The following SEM1 variants were observed in gnomAD, a reference collection of about 807,000 sequenced individuals.
SEM1 encodes the protein 26S proteasome complex subunit SEM1.
Under a neutral mutation model 12.7 loss-of-function variants are expected in SEM1, and 3 were observed. The observed-to-expected ratio is 0.24, with a 90% confidence interval of 0.11 to 0.61. The LOEUF is 0.61. SEM1 is among the 20% of genes least tolerant of loss of function. SEM1 has a pLI of 0.88. For synonymous variants in SEM1, 30 were observed against 27.8 expected (o/e 1.08, Z -0.25); for missense variants, 59 against 81.3 (o/e 0.73, Z 1.06).
chr7:96,507,365 T>C (rs1367397302), intron 2 of SEM1, among the ~76,000 whole-genome samples: 1 of 152,132 alleles, frequency 6.6e-6, no homozygotes, highest in Non-Finnish European at 1.5e-5. Flanking sequence ...AATTACTAAA[T>C]GCTAACTCTA....
rs190634108 is a variant in SEM1 at position 96,605,021 on chromosome 7, C to T, written c.170+89777G>A. Among the ~76,000 whole-genome samples, 839 of 152,264 alleles carry T rather than the reference C, an allele frequency of 5.5e-3. 6 individuals are homozygous for T. The highest frequency in any genetic ancestry group is 0.018 in the African/African-American group (768 of 41,542). ...GCCATGGTGAGGCTTAAGCAATTTA[C>T]TCAACCTCCCCATGTGAAATGGGGA... On this transcript the variant is annotated intron_variant and NMD_transcript_variant, in intron 2 of 3. Transcript: ENST00000466986.
intron 2 of SEM1, among the ~76,000 whole-genome samples, chr7:96,580,134 A>C (rs1483403966): frequency 9.5e-6 from 1 of 105,112 alleles, no homozygotes; most frequent in Non-Finnish European, 1.9e-5. Flanking sequence ...CCCACCCCAC[A>C]ACAGTCCCCA....
intron 2 of SEM1, among the ~76,000 whole-genome samples, chr7:96,530,920 T>G (rs912641809): frequency 3.3e-5 from 5 of 152,010 alleles, no homozygotes; most frequent in African/African-American, 9.7e-5. Context: ...TTAAAGAACA[T>G]GATCATCATG....
intron 2 of SEM1, among the ~76,000 whole-genome samples, chr7:96,568,054 A>C (rs1805904554): frequency 6.6e-6 from 1 of 151,654 alleles, no homozygotes; most frequent in Non-Finnish European, 1.5e-5. Flanking sequence ...TGCTAGAATC[A>C]TTTCAATAGC....
At chr7:96,509,743 C>T (rs1803877047) in intron 2 of SEM1, among the ~76,000 whole-genome samples, 1 of 152,074 alleles carries the variant, frequency 6.6e-6, no homozygotes, top group South Asian at 2.1e-4. Flanking sequence ...GGGCATGCTA[C>T]AACATGGATG....
intron 2 of SEM1, among the ~76,000 whole-genome samples, chr7:96,691,498 C>T (rs973623695): frequency 4.6e-5 from 7 of 152,138 alleles, no homozygotes; most frequent in Non-Finnish European, 1.0e-4. Context: ...GGTTGGAACC[C>T]CAGCAATCTG....
intron 2 of SEM1, among the ~76,000 whole-genome samples, chr7:96,514,465 A>G (rs75208953): frequency 0.03 from 4,581 of 152,250 alleles, 99 homozygotes; most frequent in Middle Eastern, 0.088. Flanking sequence ...ATGGGAAAGA[A>G]GAAATAAAAC....
At chr7:96,687,292 A>G (rs1378157848), downstream of SEM1, among the ~76,000 whole-genome samples, 2 of 152,190 alleles carry the variant, frequency 1.3e-5, no homozygotes, top group African/African-American at 2.4e-5. Context: ...CTGGGTATAG[A>G]CCCAAAGGAC....
rs115829610 is a variant in SEM1, at chr7:96,488,980, T to C, written c.13-2563A>G. ...CTGCCTGCTGGGATGTGCGTACAGATACAATCTTAATGTAGAGTCTGGGTG... is the reference window on the plus strand; with the variant it reads ...CTGCCTGCTGGGATGTGCGTACAGACACAATCTTAATGTAGAGTCTGGGTG... On this transcript the variant is annotated intron_variant, in intron 1 of 3. Transcript: ENST00000356686. 6.3e-3 allele frequency among the ~76,000 whole-genome samples: 959 copies of C among 152,222 alleles called. 11 individuals are homozygous for C. The highest frequency in any genetic ancestry group is 0.022 in the African/African-American group (917 of 41,550).
At chr7:96,631,535 T>A (rs1808262184) in intron 2 of SEM1, among the ~76,000 whole-genome samples, 1 of 152,138 alleles carries the variant, frequency 6.6e-6, no homozygotes, top group Admixed American at 6.5e-5. Flanking sequence ...TTTTACCACC[T>A]CTTCAGTGCC....
chr7:96,563,730 A>C (rs1032593408), intron 2 of SEM1, among the ~76,000 whole-genome samples: 3 of 152,116 alleles, frequency 2.0e-5, no homozygotes, highest in Non-Finnish European at 4.4e-5. Context: ...AAATGAATAG[A>C]TATAGAATGT....
intron 2 of SEM1, among the ~76,000 whole-genome samples, chr7:96,584,285 G>T (rs941976118): frequency 6.6e-6 from 1 of 152,096 alleles, no homozygotes. Context: ...TAAGAATGTT[G>T]AATATTGGCC....
At chr7:96,551,606 G>A (rs1478469313) in intron 2 of SEM1, among the ~76,000 whole-genome samples, 1 of 150,954 alleles carries the variant, frequency 6.6e-6, no homozygotes, top group Admixed American at 6.6e-5. Context: ...TCAGGAGGCC[G>A]AGGCAAGAGA....
At chr7:96,685,720 T>C (rs1212861531), downstream of SEM1, among the ~76,000 whole-genome samples, 3 of 149,830 alleles carry the variant, frequency 2.0e-5, no homozygotes, top group Non-Finnish European at 3.0e-5. Context: ...GTCTGGTACA[T>C]AGTAAGCATC....
At chr7:96,578,896 A>G (rs1806293799) in intron 2 of SEM1, among the ~76,000 whole-genome samples, 2 of 152,188 alleles carry the variant, frequency 1.3e-5, no homozygotes, top group South Asian at 4.1e-4. Context: ...TGAAGAATTC[A>G]TTTTATGGAT....
At chr7:96,484,901 C>T (rs983427058) in intron 2 of SEM1, 17 of 1,199,032 alleles carry the variant, frequency 1.4e-5, no homozygotes, top group Non-Finnish European at 1.9e-5. Flanking sequence ...ATCCAACTTT[C>T]TAAATTGTCT....
chr7:96,630,319 C>A (rs533286066), intron 2 of SEM1, among the ~76,000 whole-genome samples: 1 of 152,122 alleles, frequency 6.6e-6, no homozygotes, highest in Admixed American at 6.5e-5. Flanking sequence ...TAGTGTGCTG[C>A]GGCTGAGCTG....
intron 2 of SEM1, among the ~76,000 whole-genome samples, chr7:96,521,708 C>T (rs547030011): frequency 6.6e-6 from 1 of 152,198 alleles, no homozygotes; most frequent in African/African-American, 2.4e-5. Flanking sequence ...CCAAAGCTCC[C>T]CTGGAGTCAC....
chr7:96,537,901 G>C (rs1358324550), intron 2 of SEM1, among the ~76,000 whole-genome samples: 3 of 151,616 alleles, frequency 2.0e-5, no homozygotes. Context: ...TCTGCTTCTG[G>C]TATTCCAATT....
Sources: gnomAD v4.1 joint callset for allele counts (sites outside exome capture counted in the v4.1 genomes callset) on GRCh38, gnomAD v4.1.1 for gene constraint, MANE v1.5 for transcripts, NCBI Gene and HGNC (gene_info 2026-07-23, HGNC 2026-07-21) for gene names.